ZFP91: variants seen among roughly 807,000 people sequenced by gnomAD.
ZFP91 encodes ZFP91 zinc finger protein, atypical E3 ubiquitin ligase.
In ZFP91, 7 loss-of-function variants were observed where a neutral mutation model predicts 63.5. That is an observed-to-expected ratio of 0.11 (90% CI 0.06 to 0.21). ZFP91 has a LOEUF of 0.21. ZFP91 is among the 10% of genes least tolerant of loss of function. The probability of loss-of-function intolerance (pLI) is 1.00; values close to 1 mark genes in which losing one functional copy is unlikely to be tolerated. For synonymous variants in ZFP91, 330 were observed against 272.1 expected (o/e 1.21, Z -2.10); for missense variants, 628 against 736.6 (o/e 0.85, Z 1.71).
chr11:58,616,229 G>A (rs1353106969), intron 9 of ZFP91, among the ~76,000 whole-genome samples: 2 of 152,100 alleles, frequency 1.3e-5, no homozygotes, highest in African/African-American at 4.8e-5. Context: ...ACCTGAAACA[G>A]GGTATGATTA....
Position 58,579,140 on chromosome 11 carries a change from C to G in ZFP91, c.-142C>G, listed in dbSNP as rs1346551423. On this transcript the variant is annotated 5_prime_UTR_variant, in exon 1 of 11. Coordinates refer to ENST00000316059, the MANE Select transcript of ZFP91 (RefSeq NM_053023.5). ...TGGGGGGGGCGCCCTCGGAGCCGGG[C>G]GGAGGGGAGGGGGGAAAGAGGAGCG... 5 of 537,624 alleles carry G rather than the reference C, an allele frequency of 9.3e-6. No homozygotes were observed. Among genetic ancestry groups the G allele is most frequent in the Non-Finnish European group, 9.9e-6 (4 of 403,198 alleles). The allele number at this position is 537,624 out of a possible 1,614,324, so 33.3% of individuals were successfully genotyped here. A position where few individuals can be genotyped will look rare whatever the true frequency, so the allele number is the denominator to read the frequency against.
intron 2 of ZFP91, among the ~76,000 whole-genome samples, chr11:58,591,214 A>ATG (rs1392555259): frequency 6.6e-6 from 1 of 152,190 alleles, no homozygotes; most frequent in Non-Finnish European, 1.5e-5. Flanking sequence ...ATTTTACATA[A>ATG]ATGGGATAAT....
At chr11:58,595,742 A>G (rs1048231599) in intron 2 of ZFP91, among the ~76,000 whole-genome samples, 2 of 151,716 alleles carry the variant, frequency 1.3e-5, no homozygotes, top group Admixed American at 1.3e-4. Flanking sequence ...CGGCCTGGCT[A>G]ATTTTTGTAT....
At chr11:58,582,937 G>A (rs1453286260) in intron 1 of ZFP91, among the ~76,000 whole-genome samples, 2 of 152,106 alleles carry the variant, frequency 1.3e-5, no homozygotes, top group Non-Finnish European at 2.9e-5. Context: ...TAGAAAGCTA[G>A]TAGGAAAAAT....
chr11:58,579,065 G>GGCTGGC lies in ZFP91; in HGVS notation c.-215_-214insTGGCGC. ...TCCGATTGGCCCGCTGAGCGTCTGT[G>GGCTGGC]GCGCGCGCGCGCGCGCCGCCAGCGG... On this transcript the variant is annotated 5_prime_UTR_variant, in exon 1 of 11. Transcript: ENST00000316059. 2.9e-6 allele frequency: 1 copy of GGCTGGC among 340,280 alleles called. No homozygotes were observed. 21.1% of individuals were successfully genotyped at this position (340,280 alleles called of 1,614,324 possible). A position where few individuals can be genotyped will look rare whatever the true frequency, so the allele number is the denominator to read the frequency against.
At chr11:58,615,428 G>A (rs780298915) in intron 9 of ZFP91, among the ~76,000 whole-genome samples, 8 of 152,212 alleles carry the variant, frequency 5.3e-5, no homozygotes, top group Non-Finnish European at 8.8e-5. Context: ...TATCAAAAGC[G>A]TATGAAAAAC....
At chr11:58,592,120 T>C (rs1264360368) in intron 2 of ZFP91, among the ~76,000 whole-genome samples, 1 of 148,076 alleles carries the variant, frequency 6.8e-6, no homozygotes, top group Admixed American at 6.7e-5. Flanking sequence ...AATTTCACTC[T>C]TGCCCAGGCT....
At chr11:58,605,184 A>C (rs139477338) in intron 2 of ZFP91, among the ~76,000 whole-genome samples, 26 of 152,288 alleles carry the variant, frequency 1.7e-4, no homozygotes, top group African/African-American at 6.0e-4. Context: ...TAGTAAACAT[A>C]TCTCTGCTCT....
chr11:58,600,807 G>A (rs1174055622), intron 2 of ZFP91, among the ~76,000 whole-genome samples: 1 of 152,096 alleles, frequency 6.6e-6, no homozygotes. Context: ...GGTGTTCTTT[G>A]TCAAGTTGAG....
intron 2 of ZFP91, among the ~76,000 whole-genome samples, chr11:58,601,770 G>T (rs970877263): frequency 6.6e-6 from 1 of 151,880 alleles, no homozygotes; most frequent in Non-Finnish European, 1.5e-5. Flanking sequence ...TTGATCCATT[G>T]GTTTAACAGT....
At chr11:58,580,712 C>G (rs1855098600) in intron 1 of ZFP91, among the ~76,000 whole-genome samples, 1 of 152,132 alleles carries the variant, frequency 6.6e-6, no homozygotes, top group Non-Finnish European at 1.5e-5. Context: ...CCTTAGAAGC[C>G]TCTCAGAAAG....
Position 58,579,752 on chromosome 11 carries a change from G to A in ZFP91, c.341+130G>A, listed in dbSNP as rs921869348. On this transcript the variant is annotated intron_variant, in intron 1 of 10. Coordinates refer to ENST00000316059, the MANE Select transcript of ZFP91 (RefSeq NM_053023.5). The stretch of plus-strand genomic sequence containing the variant: ...CCCCTGCCGGCTCCGCACGCCAGAT[G>A]TCACACCGTTTCCCCGGGAGCCTTC... 2.7e-5 allele frequency: 23 copies of A among 867,418 alleles called. No individual in the cohort carries two copies. In the Admixed American group the frequency reaches 7.3e-4, roughly 27 times the overall value. The allele number at this position is 867,418 out of a possible 1,614,324, so 53.7% of individuals were successfully genotyped here. A position where few individuals can be genotyped will look rare whatever the true frequency, so the allele number is the denominator to read the frequency against.
intron 1 of ZFP91, among the ~76,000 whole-genome samples, chr11:58,582,697 TCTTCATTTATAATTG>T (rs1300238373): frequency 7.2e-5 from 11 of 152,316 alleles, no homozygotes; most frequent in Non-Finnish European, 1.3e-4. Context: ...TCACTTAACC[TCTTCATTTATAATTG>T]CTTCATTTAT....
rs796727743 is a variant in ZFP91, at chr11:58,581,567, G to A, written c.341+1945G>A. ...GTAGAGGTGAGGTTTCACCATATTG[G>A]CCGGGTTGGTCTCCAACTCTTGACC... is the stretch of plus-strand genomic sequence containing the variant. On this transcript the variant is annotated intron_variant, in intron 1 of 10. Transcript: ENST00000316059. Among the ~76,000 whole-genome samples the A allele has an allele frequency of 1.2e-4, 19 of 152,302 alleles. 1 individual carries two copies. Among genetic ancestry groups the A allele is most frequent in the African/African-American group, 4.1e-4 (17 of 41,566 alleles).
At chr11:58,584,905 C>G in intron 2 of ZFP91, 21 bp downstream of exon 2, 1 of 1,502,632 alleles carries the variant, frequency 6.7e-7, no homozygotes, top group Non-Finnish European at 8.8e-7. Flanking sequence ...GTCATCCTTA[C>G]CTCTAGCGTA....
At chr11:58,600,095 A>G (rs1855468250) in intron 2 of ZFP91, among the ~76,000 whole-genome samples, 1 of 152,152 alleles carries the variant, frequency 6.6e-6, no homozygotes, top group Non-Finnish European at 1.5e-5. Flanking sequence ...GAAGCTTTAT[A>G]GTAAGTGTTG....
chr11:58,589,325 A>G (rs1855265482), intron 2 of ZFP91, among the ~76,000 whole-genome samples: 1 of 152,136 alleles, frequency 6.6e-6, no homozygotes, highest in African/African-American at 2.4e-5. Context: ...CGGCCTCCCA[A>G]AGTGCTGGAA....
At chr11:58,604,401 TTC>T (rs1410292820) in intron 2 of ZFP91, among the ~76,000 whole-genome samples, 12 of 143,026 alleles carry the variant, frequency 8.4e-5, no homozygotes, top group African/African-American at 3.7e-4. Flanking sequence ...GGAATGATTC[TTC>T]TCAGAGTCTG....
chr11:58,598,796 G>GA (rs1855446937), intron 2 of ZFP91, among the ~76,000 whole-genome samples: 1 of 150,160 alleles, frequency 6.7e-6, no homozygotes, highest in East Asian at 1.9e-4. Context: ...GTTTTGAGGT[G>GA]AAATTCACAT....
Sources: gnomAD v4.1 joint callset for allele counts (sites outside exome capture counted in the v4.1 genomes callset) on GRCh38, gnomAD v4.1.1 for gene constraint, MANE v1.5 for transcripts, NCBI Gene and HGNC (gene_info 2026-07-23, HGNC 2026-07-21) for gene names.